UBE2F: variants seen among roughly 807,000 people sequenced by gnomAD.
UBE2F encodes the protein ubiquitin conjugating enzyme E2 F (putative), also known as NEDD8-conjugating enzyme UBE2F.
A neutral mutation model predicts 29.6 loss-of-function variants in UBE2F; 5 were observed. That is an observed-to-expected ratio of 0.17 (90% CI 0.09 to 0.36). The LOEUF (loss-of-function observed/expected upper bound fraction) is 0.36, where lower values mean the gene tolerates loss of function less well. UBE2F is among the 10% of genes least tolerant of loss of function. UBE2F has a pLI of 1.00. For missense variants in UBE2F, 141 were observed against 228.5 expected (o/e 0.62, Z 2.47); for synonymous variants, 66 against 81.8 (o/e 0.81, Z 1.04).
chr2:238,025,911 T>G lies in UBE2F; in HGVS notation c.353+499T>G, dbSNP rs193162447. ...CTTAGGGCAGGCAGCCTCTCGGAGCTTCATGCCTGCTGTGACTTGTGTCCC... is the reference window on the plus strand; with the variant it reads ...CTTAGGGCAGGCAGCCTCTCGGAGCGTCATGCCTGCTGTGACTTGTGTCCC... On this transcript the variant is annotated intron_variant, in intron 6 of 9. Coordinates refer to ENST00000272930, the MANE Select transcript of UBE2F (RefSeq NM_080678.3). 7.2e-5 allele frequency among the ~76,000 whole-genome samples: 11 copies of G among 152,328 alleles called. No individual in the cohort carries two copies. The East Asian group carries it at 2.1e-3, about 29-fold the overall frequency.
intron 2 of UBE2F, chr2:237,986,098 AT>A (rs560885030): frequency 5.4e-5 from 17 of 315,570 alleles, no homozygotes; most frequent in Admixed American, 4.8e-4. Flanking sequence ...CGAATATATG[AT>A]TTGTAAATAT....
chr2:237,970,756 C>T (rs1204112492), intron 1 of UBE2F, among the ~76,000 whole-genome samples: 1 of 152,088 alleles, frequency 6.6e-6, no homozygotes, highest in African/African-American at 2.4e-5. Flanking sequence ...CTCTTGTTGC[C>T]CAGGCTGGAG....
chr2:237,978,354 G>T (rs2063322915), intron 2 of UBE2F, among the ~76,000 whole-genome samples: 1 of 152,232 alleles, frequency 6.6e-6, no homozygotes, highest in African/African-American at 2.4e-5. Flanking sequence ...GTAGGGCTGA[G>T]CTTATAGGAG....
At chr2:237,997,373 T>A (rs577349344) in intron 4 of UBE2F, among the ~76,000 whole-genome samples, 22 of 152,330 alleles carry the variant, frequency 1.4e-4, no homozygotes, top group African/African-American at 5.3e-4. Flanking sequence ...TATATGCCCT[T>A]ATTTTGTGAT....
intron 1 of UBE2F, among the ~76,000 whole-genome samples, chr2:237,972,481 A>G (rs763088114): frequency 1.3e-5 from 2 of 151,946 alleles, no homozygotes; most frequent in Non-Finnish European, 2.9e-5. Flanking sequence ...CTTTGTCACA[A>G]CCACATCCCA....
Position 238,025,540 on chromosome 2 carries a change from G to C in UBE2F, c.353+128G>C, listed in dbSNP as rs1430079196. ...CAAGATTAGGAAGGGCTTGAACTCA[G>C]CTGAAGTAGCTGCGGTTGCCTGCCT... On this transcript the variant is annotated intron_variant, in intron 6 of 9. Coordinates refer to ENST00000272930, the MANE Select transcript of UBE2F (RefSeq NM_080678.3). The C allele has an allele frequency of 8.6e-6, 7 of 817,342 alleles. No individual in the cohort carries two copies. In the Admixed American group the frequency reaches 1.5e-4, roughly 17 times the overall value. 50.6% of individuals were successfully genotyped at this position (817,342 alleles called of 1,614,324 possible). A position where few individuals can be genotyped will look rare whatever the true frequency, so the allele number is the denominator to read the frequency against.
chr2:238,037,887 G>A lies in UBE2F; in HGVS notation c.507+1947G>A, dbSNP rs1000234342. 4.6e-5 allele frequency among the ~76,000 whole-genome samples: 7 copies of A among 152,136 alleles called. No homozygotes were observed. The South Asian group carries it at 8.3e-4, about 18-fold the overall frequency. ...GCCTCCCAAAGTGATTACTGCACCC[G>A]ACCTGATGTAGCTTTGAACACAGTT... On this transcript the variant is annotated intron_variant, in intron 9 of 9. Transcript: ENST00000272930.
chr2:237,975,472 A>G (rs1046081154), intron 2 of UBE2F, among the ~76,000 whole-genome samples: 5 of 151,852 alleles, frequency 3.3e-5, no homozygotes, highest in African/African-American at 1.2e-4. Flanking sequence ...GTGTATTCGA[A>G]CTCCCTGTTT....
chr2:238,022,179 T>C (rs77129084), intron 5 of UBE2F, among the ~76,000 whole-genome samples: 9 of 149,438 alleles, frequency 6.0e-5, no homozygotes, highest in Admixed American at 4.6e-4. Flanking sequence ...TCTTTTCTTT[T>C]TTTTTTTGGA....
chr2:238,015,591 AT>A (rs75261326), intron 4 of UBE2F, among the ~76,000 whole-genome samples: 10,858 of 151,486 alleles, frequency 0.072, 424 homozygotes, highest in African/African-American at 0.11. Context: ...AAGGAATGGA[AT>A]TTTTTTTTAA....
intron 4 of UBE2F, among the ~76,000 whole-genome samples, chr2:238,003,734 G>T (rs555232707): frequency 6.6e-6 from 1 of 152,114 alleles, no homozygotes; most frequent in East Asian, 1.9e-4. Flanking sequence ...TGTGGCACAG[G>T]CTTTTTATCT....
intron 8 of UBE2F, among the ~76,000 whole-genome samples, chr2:238,034,683 AC>A (rs954400894): frequency 5.9e-5 from 9 of 152,088 alleles, no homozygotes; most frequent in African/African-American, 2.2e-4. Context: ...TGATTTTCCA[AC>A]TGTGAATGAC....
intron 8 of UBE2F, chr2:238,032,499 C>T (rs367778529): frequency 2.4e-4 from 99 of 418,526 alleles, no homozygotes; most frequent in African/African-American, 1.8e-3. Flanking sequence ...TCTGTAGTCC[C>T]AGCTGCTTGG....
chr2:237,969,623 C>T (rs2063131523), intron 1 of UBE2F, among the ~76,000 whole-genome samples: 1 of 152,188 alleles, frequency 6.6e-6, no homozygotes, highest in Admixed American at 6.5e-5. Context: ...TATTGGGTGA[C>T]TCTGACGATG....
chr2:237,970,088 G>A (rs1299547717), intron 1 of UBE2F, among the ~76,000 whole-genome samples: 1 of 152,112 alleles, frequency 6.6e-6, no homozygotes, highest in Non-Finnish European at 1.5e-5. Flanking sequence ...TTTCCTGCCC[G>A]GCATGGTGGC....
At chr2:238,026,249 A>G (rs1197354146) in intron 6 of UBE2F, among the ~76,000 whole-genome samples, 1 of 152,232 alleles carries the variant, frequency 6.6e-6, no homozygotes, top group African/African-American at 2.4e-5. Flanking sequence ...TTTGGAAAGT[A>G]GGCACAAAGT....
Position 238,041,422 on chromosome 2 carries a change from C to T in UBE2F, c.*84C>T, listed in dbSNP as rs1559233213. The T allele has an allele frequency of 7.2e-7, 1 of 1,394,766 alleles. No individual in the cohort carries two copies. Among genetic ancestry groups the T allele is most frequent in the East Asian group, 2.3e-5 (1 of 43,736 alleles). 86.4% of individuals were successfully genotyped at this position (1,394,766 alleles called of 1,614,324 possible). ...AGCAAGAGGTAGCCCCCTCTCCCGTCCTCATGCTCCCTCTCAGTCCCCTGG... is the reference window on the plus strand; with the variant it reads ...AGCAAGAGGTAGCCCCCTCTCCCGTTCTCATGCTCCCTCTCAGTCCCCTGG... On this transcript the variant is annotated 3_prime_UTR_variant, in exon 10 of 10. Coordinates refer to ENST00000272930, the MANE Select transcript of UBE2F (RefSeq NM_080678.3).
intron 3 of UBE2F, among the ~76,000 whole-genome samples, chr2:237,993,630 C>G (rs1284483786): frequency 6.6e-6 from 1 of 152,142 alleles, no homozygotes; most frequent in Non-Finnish European, 1.5e-5. Context: ...GGAGGATCAC[C>G]TGAGCCTTGG....
At chr2:237,991,002 T>A (rs1465342043) in intron 3 of UBE2F, among the ~76,000 whole-genome samples, 1 of 152,168 alleles carries the variant, frequency 6.6e-6, no homozygotes, top group Admixed American at 6.5e-5. Context: ...TTACAGAGAT[T>A]GTTGGTTTTT....
Sources: gnomAD v4.1 joint callset for allele counts (sites outside exome capture counted in the v4.1 genomes callset) on GRCh38, gnomAD v4.1.1 for gene constraint, MANE v1.5 for transcripts, NCBI Gene and HGNC (gene_info 2026-07-23, HGNC 2026-07-21) for gene names.